The following GMDS variants were observed in gnomAD, a reference collection of about 807,000 sequenced individuals.
GMDS encodes GDP-mannose 4,6-dehydratase.
In GMDS, 20 loss-of-function variants were observed where a neutral mutation model predicts 49.9. That is an observed-to-expected ratio of 0.40 (90% CI 0.28 to 0.58). The LOEUF is 0.58. GMDS is among the 20% of genes least tolerant of loss of function. GMDS has a pLI of 0.42. For missense variants in GMDS, 362 were observed against 481.4 expected (o/e 0.75, Z 2.32); for synonymous variants, 177 against 178.6 (o/e 0.99, Z 0.07).
chr6:1,753,407 T>G (rs1005311661), intron 7 of GMDS, among the ~76,000 whole-genome samples: 1 of 152,064 alleles, frequency 6.6e-6, no homozygotes. Context: ...TCTTAGAGAC[T>G]TACAAAGAGA....
At chr6:1,901,215 C>A (rs1760488951) in intron 7 of GMDS, among the ~76,000 whole-genome samples, 1 of 152,184 alleles carries the variant, frequency 6.6e-6, no homozygotes, top group African/African-American at 2.4e-5. Flanking sequence ...ATATTCCGGG[C>A]TACAGAGATG....
intron 4 of GMDS, among the ~76,000 whole-genome samples, chr6:2,082,523 T>A (rs557507864): frequency 1.3e-5 from 2 of 152,144 alleles, no homozygotes. Context: ...CAGCTCAACA[T>A]TGCTAAAAAC....
intron 9 of GMDS, among the ~76,000 whole-genome samples, chr6:1,704,725 T>C (rs1413761967): frequency 1.3e-5 from 2 of 152,166 alleles, no homozygotes; most frequent in South Asian, 4.1e-4. Context: ...TATTTTCATG[T>C]GTGAGAAGAG....
chr6:2,045,145 T>C (rs1438273899), intron 4 of GMDS, among the ~76,000 whole-genome samples: 2 of 152,092 alleles, frequency 1.3e-5, no homozygotes, highest in African/African-American at 4.8e-5. Flanking sequence ...TATTTTCCTA[T>C]AAAATTCATT....
At chr6:2,234,684 C>G (rs1781272202) in intron 1 of GMDS, among the ~76,000 whole-genome samples, 2 of 152,160 alleles carry the variant, frequency 1.3e-5, no homozygotes, top group African/African-American at 4.8e-5. Flanking sequence ...ACCTCGAGGG[C>G]AGGCCCTATT....
chr6:2,065,150 C>G (rs551690845), intron 4 of GMDS, among the ~76,000 whole-genome samples: 7 of 152,276 alleles, frequency 4.6e-5, no homozygotes, highest in Admixed American at 4.6e-4. Flanking sequence ...GAGGCACCCC[C>G]CAGCAGGGGC....
chr6:1,699,165 T>C (rs6596840), intron 9 of GMDS, among the ~76,000 whole-genome samples: 104,272 of 151,920 alleles, frequency 0.69, 35,976 homozygotes, highest in South Asian at 0.81. Context: ...CTGTCCCCCA[T>C]GGAGGCATGG....
At chr6:1,927,663 G>A (rs2113920774) in intron 7 of GMDS, among the ~76,000 whole-genome samples, 1 of 152,294 alleles carries the variant, frequency 6.6e-6, no homozygotes, top group South Asian at 2.1e-4. Flanking sequence ...GTTGTGCCCA[G>A]ATGTGGACTA....
chr6:1,804,824 C>T (rs985675522), intron 7 of GMDS, among the ~76,000 whole-genome samples: 3 of 151,978 alleles, frequency 2.0e-5, no homozygotes, highest in African/African-American at 4.8e-5. Context: ...AACTATATTA[C>T]CCTTAATATT....
At chr6:1,637,753 G>GT (rs1561690376) in intron 9 of GMDS, among the ~76,000 whole-genome samples, 1 of 152,224 alleles carries the variant, frequency 6.6e-6, no homozygotes, top group Admixed American at 6.5e-5. Context: ...TTCAGAATGG[G>GT]TTTTTTACCA....
chr6:1,942,053 C>T (rs1028195764), intron 6 of GMDS, among the ~76,000 whole-genome samples: 17 of 152,200 alleles, frequency 1.1e-4, no homozygotes, highest in African/African-American at 4.1e-4. Context: ...GCTCGTGCTG[C>T]CTGGTCATGA....
In GMDS at chr6:1,746,354, C is replaced by T. The variant is rs556857593; in HGVS notation, c.772-3768G>A. On this transcript the variant is annotated intron_variant, in intron 7 of 10. Transcript: ENST00000380815. ...TTACTTTCAGTCCTGACCTGATTAC[C>T]AGTGCACATGAAAAAAATCTCCTGT... 1.1e-3 allele frequency among the ~76,000 whole-genome samples: 164 copies of T among 152,272 alleles called. 1 individual carries two copies. The highest frequency in any genetic ancestry group is 1.8e-3 in the Non-Finnish European group (122 of 68,030).
chr6:2,243,880 G>A (rs1210075468), intron 1 of GMDS, among the ~76,000 whole-genome samples: 8 of 85,426 alleles, frequency 9.4e-5, no homozygotes, highest in Non-Finnish European at 1.4e-4. Context: ...TTTTTTTGAG[G>A]CAGGATCTCA....
intron 7 of GMDS, among the ~76,000 whole-genome samples, chr6:1,764,294 G>A (rs757603069): frequency 6.6e-6 from 1 of 152,122 alleles, no homozygotes; most frequent in East Asian, 1.9e-4. Context: ...TGTGAGAGCC[G>A]AGAGGTTCAC....
intron 9 of GMDS, among the ~76,000 whole-genome samples, chr6:1,719,659 G>A (rs879462052): frequency 1.1e-4 from 17 of 150,430 alleles, no homozygotes; most frequent in Non-Finnish European, 2.4e-4. Context: ...TTAGATTTCC[G>A]AATACAGAGG....
At chr6:1,663,404 G>A (rs1421878212) in intron 9 of GMDS, among the ~76,000 whole-genome samples, 3 of 152,132 alleles carry the variant, frequency 2.0e-5, no homozygotes, top group Admixed American at 6.5e-5. Flanking sequence ...TAACTGAAAC[G>A]TCCCAAAGTT....
At chr6:2,095,203 T>C (rs984031985) in intron 4 of GMDS, among the ~76,000 whole-genome samples, 2 of 152,174 alleles carry the variant, frequency 1.3e-5, no homozygotes, top group Non-Finnish European at 2.9e-5. Flanking sequence ...CGTGCACACC[T>C]GATCATCACT....
chr6:1,643,795 T>A (rs1054479106), intron 9 of GMDS, among the ~76,000 whole-genome samples: 1 of 152,152 alleles, frequency 6.6e-6, no homozygotes, highest in Non-Finnish European at 1.5e-5. Context: ...AACTGTATGA[T>A]GTGTGAATTA....
chr6:2,241,796 A>G (rs181735109), intron 1 of GMDS, among the ~76,000 whole-genome samples: 21 of 152,332 alleles, frequency 1.4e-4, no homozygotes, highest in Admixed American at 5.9e-4. Flanking sequence ...TGAACCAAAT[A>G]AACCTCTTTT....
Sources: allele counts gnomAD v4.1 joint callset (sites outside exome capture counted in the v4.1 genomes callset), GRCh38; gene constraint gnomAD v4.1.1; transcripts MANE v1.5; gene names NCBI Gene and HGNC (gene_info 2026-07-23, HGNC 2026-07-21).